The following BICD1 variants were observed in gnomAD, a reference collection of about 807,000 sequenced individuals.
BICD1 encodes the protein protein bicaudal D homolog 1.
A neutral mutation model predicts 92.5 loss-of-function variants in BICD1; 35 were observed. The observed-to-expected ratio is 0.38, with a 90% confidence interval of 0.29 to 0.50. The LOEUF is 0.50. Ranked by LOEUF, BICD1 falls within the 20% of genes least tolerant of loss-of-function variation. The probability of loss-of-function intolerance (pLI) is 0.93; values close to 1 mark genes in which losing one functional copy is unlikely to be tolerated. For synonymous variants in BICD1, 429 were observed against 465.1 expected (o/e 0.92, Z 1.00); for missense variants, 950 against 1,189.8 (o/e 0.80, Z 2.97).
intron 8 of BICD1, among the ~76,000 whole-genome samples, chr12:32,362,857 A>T (rs1939384366): frequency 6.6e-6 from 1 of 152,156 alleles, no homozygotes; most frequent in Non-Finnish European, 1.5e-5. Flanking sequence ...AGAGATTTTA[A>T]AAAGAAGTTA....
chr12:32,173,118 G>C (rs762095104), intron 1 of BICD1, among the ~76,000 whole-genome samples: 34 of 152,144 alleles, frequency 2.2e-4, no homozygotes, highest in Non-Finnish European at 4.9e-4. Flanking sequence ...CACGATCGTG[G>C]ATCACTGCAA....
chr12:32,334,724 T>G, intron 6 of BICD1, 57 bp downstream of exon 6: 1 of 1,549,320 alleles, frequency 6.5e-7, no homozygotes, highest in South Asian at 1.2e-5. Flanking sequence ...GGCTTTAAAA[T>G]TCACAGCCCT....
At chr12:32,148,741 C>T (rs186996132) in intron 1 of BICD1, among the ~76,000 whole-genome samples, 195 of 152,200 alleles carry the variant, frequency 1.3e-3, no homozygotes, top group African/African-American at 4.3e-3. Flanking sequence ...GTAATGTTGC[C>T]GGGGACAGTG....
At chr12:32,187,788 G>A (rs1049381339) in intron 1 of BICD1, among the ~76,000 whole-genome samples, 3 of 152,212 alleles carry the variant, frequency 2.0e-5, no homozygotes, top group Non-Finnish European at 4.4e-5. Flanking sequence ...TATTATTTGG[G>A]TAAGGAATTC....
At chr12:32,251,346 G>A (rs547163056) in intron 2 of BICD1, among the ~76,000 whole-genome samples, 1 of 152,270 alleles carries the variant, frequency 6.6e-6, no homozygotes, top group East Asian at 1.9e-4. Flanking sequence ...TTAGTTTGCT[G>A]TAACAAATTA....
rs200338613 is a variant in BICD1, at chr12:32,367,700, C to G, written c.2795C>G (p.Pro932Arg). Reference sequence around the variant, plus strand: ...CAGCAGCCTGCTGCCTCCGTACCGCCACAGTGCTCACAACTAGCCGGGAGG... The same window carrying G: ...CAGCAGCCTGCTGCCTCCGTACCGCGACAGTGCTCACAACTAGCCGGGAGG... ...DCQQPAASVPPQCSQLAGRQD... is the reference protein window; with the variant it reads ...DCQQPAASVPRQCSQLAGRQD... The change falls in exon 9 of 10, where the codon CCA (proline) becomes CGA (arginine). Residue 932 changes from proline to arginine, a missense_variant. Physicochemically the swap from Pro to Arg is moderately radical, Grantham distance 103. Transcript: ENST00000652176. 4 of 1,614,168 alleles carry G rather than the reference C, an allele frequency of 2.5e-6. No homozygotes were observed. In the Admixed American group the frequency reaches 6.7e-5, roughly 27 times the overall value.
intron 8 of BICD1, among the ~76,000 whole-genome samples, chr12:32,364,742 G>A (rs545318164): frequency 6.6e-5 from 10 of 152,250 alleles, no homozygotes; most frequent in South Asian, 2.1e-4. Context: ...CTTGAGGCCC[G>A]GAGTTCAAGA....
chr12:32,381,150 G>A lies in BICD1; in HGVS notation c.*3523G>A, dbSNP rs1467999410. On this transcript the variant is annotated 3_prime_UTR_variant, in exon 10 of 10. Transcript: ENST00000652176. The stretch of plus-strand genomic sequence containing the variant: ...ATAAAATATTTTATATTTGAAAATA[G>A]GATGGCAATCTTTATTTTTCCAAGA... 1 of 151,966 alleles carries A rather than the reference G, an allele frequency of 6.6e-6. No homozygotes were observed. The highest frequency in any genetic ancestry group is 2.4e-5 in the African/African-American group (1 of 41,410). The allele number at this position is 151,966 out of a possible 1,614,324, so 9.4% of individuals were successfully genotyped here.
At chr12:32,363,495 A>C (rs1165660029) in intron 8 of BICD1, among the ~76,000 whole-genome samples, 1 of 152,224 alleles carries the variant, frequency 6.6e-6, no homozygotes, top group Non-Finnish European at 1.5e-5. Context: ...ATTTCAAATA[A>C]ACACTTTAAT....
At chr12:32,344,479 G>C (rs773459876) in intron 8 of BICD1, among the ~76,000 whole-genome samples, 15 of 152,164 alleles carry the variant, frequency 9.9e-5, no homozygotes, top group Non-Finnish European at 2.1e-4. Context: ...CTGATGACAA[G>C]GTGGAGAGTG....
chr12:32,352,545 A>G (rs1218126270), intron 8 of BICD1: 2 of 151,854 alleles, frequency 1.3e-5, no homozygotes, highest in African/African-American at 2.4e-5. Flanking sequence ...AAGGAGACAC[A>G]TTTCCTCATC....
intron 2 of BICD1, among the ~76,000 whole-genome samples, chr12:32,291,838 T>TA (rs113544350): frequency 2.9e-4 from 43 of 147,000 alleles, no homozygotes; most frequent in Admixed American, 3.4e-4. Context: ...AACATGTCTT[T>TA]AAAAAAAAAA....
intron 6 of BICD1, among the ~76,000 whole-genome samples, chr12:32,336,372 G>A (rs942994554): frequency 6.6e-6 from 1 of 152,230 alleles, no homozygotes; most frequent in African/African-American, 2.4e-5. Flanking sequence ...TATGAAACCT[G>A]AATAAAGATG....
chr12:32,317,704 G>C (rs10844181), intron 4 of BICD1, among the ~76,000 whole-genome samples: 112,849 of 151,892 alleles, frequency 0.74, 42,356 homozygotes, highest in Middle Eastern at 0.91. Flanking sequence ...GTGCAGAAGC[G>C]CTTTAGTTTA....
intron 1 of BICD1, among the ~76,000 whole-genome samples, chr12:32,172,087 G>C (rs1313719193): frequency 6.6e-6 from 1 of 151,752 alleles, no homozygotes; most frequent in Non-Finnish European, 1.5e-5. Context: ...TTCCTTTTCT[G>C]TTTGCTTCTA....
At chr12:32,158,561 CTAT>C (rs1381392446) in intron 1 of BICD1, among the ~76,000 whole-genome samples, 1 of 152,190 alleles carries the variant, frequency 6.6e-6, no homozygotes, top group African/African-American at 2.4e-5. Context: ...CAAATATTAG[CTAT>C]TCTTTTTCTT....
intron 2 of BICD1, among the ~76,000 whole-genome samples, chr12:32,242,022 C>T (rs571708351): frequency 3.7e-4 from 54 of 146,052 alleles, no homozygotes; most frequent in Non-Finnish European, 6.8e-4. Context: ...TGGTAAGACC[C>T]TGTCTCTCCA....
intron 4 of BICD1, among the ~76,000 whole-genome samples, chr12:32,324,650 G>A (rs1012155824): frequency 5.3e-5 from 8 of 151,948 alleles, no homozygotes; most frequent in South Asian, 2.1e-4. Flanking sequence ...ATCTCGGCTC[G>A]TTGCAACCTC....
chr12:32,341,757 G>A (rs10771939), intron 8 of BICD1, among the ~76,000 whole-genome samples: 1 of 151,976 alleles, frequency 6.6e-6, no homozygotes, highest in Middle Eastern at 3.4e-3. Context: ...AGAAAGTGAC[G>A]GACCATCCAC....
Sources: gnomAD v4.1 joint callset for allele counts (sites outside exome capture counted in the v4.1 genomes callset) on GRCh38, gnomAD v4.1.1 for gene constraint, MANE v1.5 for transcripts, NCBI Gene and HGNC (gene_info 2026-07-23, HGNC 2026-07-21) for gene names.